The following TNFRSF13B variants were observed in gnomAD, a reference collection of about 807,000 sequenced individuals.
The protein encoded by TNFRSF13B is tumor necrosis factor receptor superfamily member 13B.
In TNFRSF13B, 34 loss-of-function variants were observed where a neutral mutation model predicts 24.0. That is an observed-to-expected ratio of 1.41 (90% confidence interval 1.08 to 1.88). TNFRSF13B has a LOEUF of 1.88. TNFRSF13B is among the 40% of genes most tolerant of loss of function. TNFRSF13B has a pLI of 0.00. For missense variants in TNFRSF13B, 415 were observed against 380.8 expected (o/e 1.09, Z -0.75); for synonymous variants, 173 against 150.3 (o/e 1.15, Z -1.10).
At chr17:16,950,569 A>G (rs1031719525) in intron 2 of TNFRSF13B, among the ~76,000 whole-genome samples, 1 of 152,248 alleles carries the variant, frequency 6.6e-6, no homozygotes, top group East Asian at 1.9e-4. Flanking sequence ...CCCTATCCCC[A>G]GGGCGCCCCT....
At chr17:16,971,242 G>A (rs1463056646) in intron 1 of TNFRSF13B, among the ~76,000 whole-genome samples, 1 of 152,040 alleles carries the variant, frequency 6.6e-6, no homozygotes, top group Non-Finnish European at 1.5e-5. Context: ...TCAGCCACTC[G>A]GGAGGCTGAG....
intron 3 of TNFRSF13B, among the ~76,000 whole-genome samples, chr17:16,944,792 G>A (rs1324992488): frequency 2.0e-5 from 3 of 152,202 alleles, no homozygotes; most frequent in Non-Finnish European, 4.4e-5. Flanking sequence ...CTGGAGTCAG[G>A]GTGAGGTGGG....
At chr17:16,963,076 G>T (rs1377796953) in intron 1 of TNFRSF13B, among the ~76,000 whole-genome samples, 1 of 152,224 alleles carries the variant, frequency 6.6e-6, no homozygotes, top group Admixed American at 6.5e-5. Flanking sequence ...GGTACTCCTT[G>T]CTGTGTGACC....
At chr17:16,946,732 T>A (rs759614017) in intron 3 of TNFRSF13B, among the ~76,000 whole-genome samples, 27 of 151,840 alleles carry the variant, frequency 1.8e-4, no homozygotes, top group Middle Eastern at 3.2e-3. Flanking sequence ...GGACTACAGG[T>A]GTGCACCACC....
At chr17:16,952,685 A>G (rs2087598355) in intron 1 of TNFRSF13B, 102 bp from the exon 2 acceptor site, 1 of 1,557,872 alleles carries the variant, frequency 6.4e-7, no homozygotes, top group Non-Finnish European at 8.8e-7. Flanking sequence ...ATTCGCACAG[A>G]CAACCTTTCT....
At chr17:16,962,385 T>C (rs1413818905) in intron 1 of TNFRSF13B, among the ~76,000 whole-genome samples, 1 of 152,052 alleles carries the variant, frequency 6.6e-6, no homozygotes. Flanking sequence ...TGCATGCCTG[T>C]AATCTCAGCT....
chr17:16,957,991 C>T (rs1306979440), intron 1 of TNFRSF13B, among the ~76,000 whole-genome samples: 1 of 152,068 alleles, frequency 6.6e-6, no homozygotes, highest in Non-Finnish European at 1.5e-5. Flanking sequence ...GTTTGTAACT[C>T]CTATTTTTTT....
At chr17:16,961,862 G>C (rs767217407) in intron 1 of TNFRSF13B, among the ~76,000 whole-genome samples, 1 of 152,114 alleles carries the variant, frequency 6.6e-6, no homozygotes, top group Non-Finnish European at 1.5e-5. Flanking sequence ...GAATAAAGAC[G>C]TTCTCAGACA....
intron 2 of TNFRSF13B, among the ~76,000 whole-genome samples, chr17:16,950,952 T>A (rs573608939): frequency 2.0e-4 from 30 of 152,176 alleles, no homozygotes; most frequent in Non-Finnish European, 2.8e-4. Flanking sequence ...CTGAAGGGGG[T>A]CTCTCCCAAC....
In TNFRSF13B at chr17:16,957,528, A is replaced by G. The variant is rs142817325; in HGVS notation, c.62-4945T>C. Among the ~76,000 whole-genome samples the G allele has an allele frequency of 5.0e-3, 766 of 152,192 alleles. 7 individuals are homozygous for G. The highest frequency in any genetic ancestry group is 0.018 in the African/African-American group (731 of 41,510). ...ATAAATTTGATGCAGGAAAACCTCA[A>G]AGAAGCCCACACCAGGACATATTAC... On this transcript the variant is annotated intron_variant, in intron 1 of 4. Coordinates refer to ENST00000261652, the MANE Select transcript of TNFRSF13B (RefSeq NM_012452.3).
At chr17:16,948,670 C>G in intron 3 of TNFRSF13B, 68 bp downstream of exon 3, 1 of 1,610,230 alleles carries the variant, frequency 6.2e-7, no homozygotes, top group East Asian at 2.2e-5. Flanking sequence ...TGTTCTAGGC[C>G]TGGCATCAGG....
intron 3 of TNFRSF13B, among the ~76,000 whole-genome samples, chr17:16,945,330 T>C (rs761300774): frequency 3.9e-5 from 6 of 152,166 alleles, no homozygotes; most frequent in Non-Finnish European, 8.8e-5. Context: ...ACACATGAAG[T>C]GGCTAACCTT....
chr17:16,949,888 G>T (rs879055767), intron 2 of TNFRSF13B, among the ~76,000 whole-genome samples: 1 of 151,988 alleles, frequency 6.6e-6, no homozygotes, highest in African/African-American at 2.4e-5. Context: ...CTTTCGCCGT[G>T]TTGGCCAGGC....
intron 1 of TNFRSF13B, among the ~76,000 whole-genome samples, chr17:16,954,738 G>A (rs1567653952): frequency 6.6e-6 from 1 of 152,212 alleles, no homozygotes; most frequent in Non-Finnish European, 1.5e-5. Context: ...TAAGAGGATT[G>A]GTTGGAAACT....
intron 3 of TNFRSF13B, among the ~76,000 whole-genome samples, chr17:16,947,247 A>G (rs1362883491): frequency 6.6e-6 from 1 of 152,220 alleles, no homozygotes; most frequent in East Asian, 1.9e-4. Flanking sequence ...AACTATAAGA[A>G]TCCTAGAGAA....
At chr17:16,968,723 T>C (rs1204576483) in intron 1 of TNFRSF13B, among the ~76,000 whole-genome samples, 1 of 152,210 alleles carries the variant, frequency 6.6e-6, no homozygotes, top group Non-Finnish European at 1.5e-5. Context: ...ATGAAAAACT[T>C]TTGTGTTCCA....
chr17:16,944,172 C>G (rs868370043), intron 3 of TNFRSF13B, among the ~76,000 whole-genome samples: 1 of 152,120 alleles, frequency 6.6e-6, no homozygotes, highest in Non-Finnish European at 1.5e-5. Flanking sequence ...GCTGGGAGCC[C>G]GAGAGGAAGG....
At chr17:16,955,747 T>C (rs1279115451) in intron 1 of TNFRSF13B, among the ~76,000 whole-genome samples, 3 of 152,244 alleles carry the variant, frequency 2.0e-5, no homozygotes, top group Non-Finnish European at 4.4e-5. Context: ...AATCTGTGCC[T>C]CCTGCTAAAT....
chr17:16,947,871 C>T (rs867343543), intron 3 of TNFRSF13B, among the ~76,000 whole-genome samples: 2 of 152,142 alleles, frequency 1.3e-5, no homozygotes, highest in African/African-American at 4.8e-5. Context: ...GAAAATAAAC[C>T]GTTCTACCAA....
Sources: gnomAD v4.1 joint callset for allele counts (sites outside exome capture counted in the v4.1 genomes callset) on GRCh38, gnomAD v4.1.1 for gene constraint, MANE v1.5 for transcripts, NCBI Gene and HGNC (gene_info 2026-07-23, HGNC 2026-07-21) for gene names.